AREL1: variants seen among roughly 807,000 people sequenced by gnomAD.
AREL1 encodes the protein apoptosis resistant E3 ubiquitin protein ligase 1.
Under a neutral mutation model 99.0 loss-of-function variants are expected in AREL1, and 62 were observed. The ratio of observed to expected loss-of-function variants is 0.63; its 90% confidence interval spans 0.51 to 0.77. The LOEUF (loss-of-function observed/expected upper bound fraction) is 0.77, where lower values mean the gene tolerates loss of function less well. Among genes scored for constraint, AREL1 ranks in the 30% least tolerant of loss-of-function variants. The pLI, the probability that AREL1 is intolerant of heterozygous loss-of-function variation, is 0.00. For missense variants in AREL1, 879 were observed against 1,027.6 expected (o/e 0.86, Z 1.98); for synonymous variants, 380 against 376.5 (o/e 1.01, Z -0.11).
At chr14:74,664,804 A>T in intron 18 of AREL1, 32 bp downstream of exon 18, 1 of 1,598,464 alleles carries the variant, frequency 6.3e-7, no homozygotes, top group East Asian at 2.2e-5. Context: ...AACATGGCAC[A>T]AATCCAACTG....
chr14:74,699,366 TGTGTGTGTGTGA>T (rs963814749), intron 1 of AREL1, among the ~76,000 whole-genome samples: 1 of 129,560 alleles, frequency 7.7e-6, no homozygotes, highest in African/African-American at 2.9e-5. Flanking sequence ...TGTGTGTGTG[TGTGTGTGTGTGA>T]GAGAGAGAGA....
At chr14:74,689,564 T>C (rs1190869242) in intron 2 of AREL1, among the ~76,000 whole-genome samples, 3 of 151,664 alleles carry the variant, frequency 2.0e-5, no homozygotes, top group African/African-American at 7.3e-5. Context: ...CCATAGAACA[T>C]TGTTTTTATT....
intron 5 of AREL1, among the ~76,000 whole-genome samples, chr14:74,681,947 A>C (rs2089639818): frequency 6.6e-6 from 1 of 152,310 alleles, no homozygotes; most frequent in South Asian, 2.1e-4. Flanking sequence ...CCATTGCAGG[A>C]AACTGGGAAA....
intron 14 of AREL1, 72 bp from the exon 15 acceptor site, chr14:74,669,846 C>G: frequency 6.3e-7 from 1 of 1,593,742 alleles, no homozygotes; most frequent in African/African-American, 1.3e-5. Context: ...CTTAGAACCA[C>G]TTATCCCTTC....
Position 74,664,889 on chromosome 14 carries a change from C to A in AREL1, c.2140G>T (p.Asp714Tyr). 1 of 1,613,872 alleles carries A rather than the reference C, an allele frequency of 6.2e-7. No individual in the cohort carries two copies. Among genetic ancestry groups the A allele is most frequent in the South Asian group, 1.1e-5 (1 of 91,062 alleles). ...ACAACTACTGCATGGGCTTTGAAGT[C>A]AGACACACTGATGTCTCCAGTCCCA... ...MCGTGDISVS[D>Y]FKAHAVVVGG... is the part of the protein sequence containing the mutation. The change falls in exon 18 of 20, where the codon GAC (aspartate) becomes TAC (tyrosine). Residue 714 changes from aspartate (D) to tyrosine (Y), a missense_variant. By Grantham distance (160) the Asp-to-Tyr change is radical. Coordinates refer to ENST00000356357, the MANE Select transcript of AREL1 (RefSeq NM_001039479.2).
chr14:74,668,481 T>C (rs568418134), intron 15 of AREL1, among the ~76,000 whole-genome samples: 2 of 152,294 alleles, frequency 1.3e-5, no homozygotes, highest in East Asian at 1.9e-4. Flanking sequence ...TTTTTTTTAA[T>C]GTAAGCATTT....
intron 2 of AREL1, among the ~76,000 whole-genome samples, chr14:74,690,174 C>T (rs868405047): frequency 4.6e-5 from 7 of 150,864 alleles, no homozygotes; most frequent in Middle Eastern, 6.8e-3. Flanking sequence ...GCAGAAGGAT[C>T]CCTTGAGCCC....
At position 74,673,229 on chromosome 14, in the gene AREL1, A is replaced by C. The variant is rs757706237; in HGVS notation, c.1159-11T>G. The C allele has an allele frequency of 6.2e-7, 1 of 1,613,204 alleles. No individual in the cohort carries two copies. Among genetic ancestry groups the C allele is most frequent in the Non-Finnish European group, 8.5e-7 (1 of 1,179,952 alleles). ...ACCAAGGTATGAAAACTGGTAAAGA[A>C]AAACAAAGAAATTAATCTATAAAAC... On this transcript the variant is annotated splice_polypyrimidine_tract_variant and intron_variant, in intron 9 of 19. Coordinates refer to ENST00000356357, the MANE Select transcript of AREL1 (RefSeq NM_001039479.2).
chr14:74,686,865 G>C (rs2089759523), intron 2 of AREL1, among the ~76,000 whole-genome samples: 1 of 152,106 alleles, frequency 6.6e-6, no homozygotes, highest in South Asian at 2.1e-4. Flanking sequence ...GTGGATGAAG[G>C]TGCTCCCAAA....
rs2089231719 is a variant in AREL1, at chr14:74,667,370, A to G, written c.2052T>C (p.Asn684=). 1 of 1,614,214 alleles carries G rather than the reference A, an allele frequency of 6.2e-7. No individual in the cohort carries two copies. Among genetic ancestry groups the G allele is most frequent in the Admixed American group, 1.7e-5 (1 of 60,030 alleles). ...CCAAAAGGTTCTCAGGGACCAATTCATTCAGGCCTGAAACAAAGTAGGCAA... is the reference window on the plus strand; with the variant it reads ...CCAAAAGGTTCTCAGGGACCAATTCGTTCAGGCCTGAAACAAAGTAGGCAA... ...EEVEHFLKGL[N]ELVPENLLAI... is the part of the protein sequence containing the mutation. Residue 684 remains asparagine (N), a synonymous_variant, in exon 17 of 20, where the codon AAT becomes AAC. Coordinates refer to ENST00000356357, the MANE Select transcript of AREL1 (RefSeq NM_001039479.2).
chr14:74,676,038 T>G (rs1030149520), intron 7 of AREL1, 92 bp from the exon 8 acceptor site: 113 of 1,549,608 alleles, frequency 7.3e-5, no homozygotes, highest in Non-Finnish European at 8.7e-5. Context: ...ACAAGCCAAA[T>G]GTGGCCCAAA....
chr14:74,676,305 T>C lies in AREL1; in HGVS notation c.668A>G (p.Glu223Gly), dbSNP rs1285161210. 6.2e-7 allele frequency: 1 copy of C among 1,614,094 alleles called. No individual in the cohort carries two copies. Among genetic ancestry groups the C allele is most frequent in the Non-Finnish European group, 8.5e-7 (1 of 1,179,982 alleles). Reference sequence around the variant, plus strand: ...CTCAAATGAGACACCAGTACTCTCTTCTTCTTGAGGGCCGAGCTATAGGAA... The same window carrying C: ...CTCAAATGAGACACCAGTACTCTCTCCTTCTTGAGGGCCGAGCTATAGGAA... ...LSIHELGPQEEESTGVSFEKS... is the reference protein window; with the variant it reads ...LSIHELGPQEGESTGVSFEKS... The change falls in exon 7 of 20, where the codon GAA becomes GGA. Residue 223 changes from glutamate (E) to glycine (G), a missense_variant. Glu to Gly is a moderately conservative substitution (Grantham distance 98). Coordinates refer to ENST00000356357, the MANE Select transcript of AREL1 (RefSeq NM_001039479.2).
intron 1 of AREL1, among the ~76,000 whole-genome samples, chr14:74,708,659 A>G (rs1022100223): frequency 6.6e-6 from 1 of 152,168 alleles, no homozygotes; most frequent in Admixed American, 6.6e-5. Context: ...AAATCAATTA[A>G]CAGATGTTAA....
At chr14:74,664,157 A>G in intron 18 of AREL1, 83 bp from the exon 19 acceptor site, 1 of 1,465,970 alleles carries the variant, frequency 6.8e-7, no homozygotes, top group Non-Finnish European at 9.2e-7. Flanking sequence ...AGATACACTA[A>G]AGTGGGGCTG....
intron 1 of AREL1, among the ~76,000 whole-genome samples, chr14:74,701,370 G>A (rs901905945): frequency 1.3e-5 from 2 of 152,072 alleles, no homozygotes; most frequent in African/African-American, 4.8e-5. Context: ...ATGTGGCTGG[G>A]GAGGCCTCAC....
chr14:74,693,160 T>C (rs2089918093), intron 1 of AREL1, among the ~76,000 whole-genome samples: 1 of 152,102 alleles, frequency 6.6e-6, no homozygotes. Flanking sequence ...CAGCCTTATA[T>C]GCCATGGTAA....
chr14:74,666,650 A>C (rs2089215872), intron 17 of AREL1, among the ~76,000 whole-genome samples: 1 of 151,216 alleles, frequency 6.6e-6, no homozygotes, highest in Non-Finnish European at 1.5e-5. Context: ...AATAAATTCT[A>C]TTACTCCCTT....
chr14:74,680,251 C>G (rs561814512), intron 5 of AREL1, among the ~76,000 whole-genome samples: 1 of 151,360 alleles, frequency 6.6e-6, no homozygotes, highest in South Asian at 2.1e-4. Flanking sequence ...ACAAAAGACA[C>G]GAAGAGACAT....
chr14:74,670,749 G>A lies in AREL1; in HGVS notation c.1608+13C>T, dbSNP rs369928782. 49 of 1,609,760 alleles carry A rather than the reference G, an allele frequency of 3.0e-5. No individual in the cohort carries two copies. Among genetic ancestry groups the A allele is most frequent in the Middle Eastern group, 1.7e-4 (1 of 6,054 alleles). ...CATAATCCACATTTTCCACCCACCC[G>A]TCACCAACTCACTAATGCTTGGTTG... is the stretch of plus-strand genomic sequence containing the variant. On this transcript the variant is annotated intron_variant, in intron 13 of 19. Transcript: ENST00000356357.
Sources: allele counts gnomAD v4.1 joint callset (sites outside exome capture counted in the v4.1 genomes callset), GRCh38; gene constraint gnomAD v4.1.1; transcripts MANE v1.5; gene names NCBI Gene and HGNC (gene_info 2026-07-23, HGNC 2026-07-21).